Variants in EPHX1 observed in about 807,000 individuals in gnomAD.
EPHX1 encodes the protein epoxide hydrolase 1, also known as epoxide hydratase.
Under a neutral mutation model 43.2 loss-of-function variants are expected in EPHX1, and 40 were observed. The ratio of observed to expected loss-of-function variants is 0.93; its 90% CI spans 0.72 to 1.21. The LOEUF (loss-of-function observed/expected upper bound fraction) is 1.21, where lower values mean the gene tolerates loss of function less well. Among genes scored for constraint, EPHX1 ranks in the 50% most tolerant of loss-of-function variants. The probability of loss-of-function intolerance (pLI) is 0.00; values close to 1 mark genes in which losing one functional copy is unlikely to be tolerated. For missense variants in EPHX1, 550 were observed against 570.4 expected (o/e 0.96, Z 0.36); for synonymous variants, 221 against 226.7 (o/e 0.98, Z 0.22).
chr1:225,834,448 G>A (rs1175331882), intron 3 of EPHX1, among the ~76,000 whole-genome samples: 1 of 152,052 alleles, frequency 6.6e-6, no homozygotes, highest in Admixed American at 6.6e-5. Context: ...CCTCGACTTG[G>A]AGGTGCCAGG....
chr1:225,827,237 G>C (rs1201805633), intron 1 of EPHX1, among the ~76,000 whole-genome samples: 2 of 152,246 alleles, frequency 1.3e-5, no homozygotes, highest in African/African-American at 4.8e-5. Flanking sequence ...CTCCTGCCTT[G>C]GGTTTCCAAG....
chr1:225,832,724 T>G (rs946883021), intron 3 of EPHX1, among the ~76,000 whole-genome samples: 1 of 152,230 alleles, frequency 6.6e-6, no homozygotes, highest in Non-Finnish European at 1.5e-5. Context: ...TTTCCTTTCT[T>G]TTTTTCGGTA....
intron 3 of EPHX1, 136 bp from the exon 4 acceptor site, chr1:225,838,518 T>A: frequency 1.4e-6 from 1 of 719,986 alleles, no homozygotes; most frequent in Non-Finnish European, 2.4e-6. Flanking sequence ...CAGCCCTTAT[T>A]ACTGTCAATA....
chr1:225,810,479 C>G (rs996423072), intron 1 of EPHX1: 1 of 152,118 alleles, frequency 6.6e-6, no homozygotes, highest in Admixed American at 6.5e-5. Context: ...GAGAGCGCAC[C>G]GCGTCCCCTG....
Position 225,838,711 on chromosome 1 carries a change from C to T in EPHX1, c.422C>T (p.Pro141Leu), listed in dbSNP as rs373688139. 204 of 1,614,126 alleles carry T rather than the reference C, an allele frequency of 1.3e-4. 5 individuals are homozygous for T. In the South Asian group the frequency reaches 1.9e-3, roughly 15 times the overall value. The change falls in exon 4 of 9, where the codon CCG becomes CTG. Residue 141 changes from proline (P) to leucine (L), a missense_variant. Coordinates refer to ENST00000272167, the MANE Select transcript of EPHX1 (RefSeq NM_001136018.4). ...CCCCAGCTGCCCGCAGGCCATACCC[C>T]GAAGCCCTTGCTGATGGTGCACGGC... ...KPPQLPAGHT[P>L]KPLLMVHGWP...
rs1333110112 is a variant in EPHX1 at position 225,833,786 on chromosome 1, CTCTG to C, written c.364+1831_364+1834del. Among the ~76,000 whole-genome samples the C allele has an allele frequency of 1.4e-4, 18 of 124,424 alleles. 1 individual carries two copies. The South Asian group carries it at 4.9e-3, about 34-fold the overall frequency. 81.6% of individuals were successfully genotyped at this position (124,424 alleles called of 152,430 possible). A position where few individuals can be genotyped will look rare whatever the true frequency, so the allele number is the denominator to read the frequency against. ...CTCCAGCCTGGGCGACAGAATGAGA[CTCTG>C]TCTTTAAAAAAAAAAAAAAAAAACA... is the stretch of plus-strand genomic sequence containing the variant. On this transcript the variant is annotated intron_variant, in intron 3 of 8. Coordinates refer to ENST00000272167, the MANE Select transcript of EPHX1 (RefSeq NM_001136018.4).
At position 225,829,991 on chromosome 1, in the gene EPHX1, T is replaced by C. The variant is rs949612863; in HGVS notation, c.183+1079T>C. Among the ~76,000 whole-genome samples, 5 of 151,676 alleles carry C rather than the reference T, an allele frequency of 3.3e-5. No individual in the cohort carries two copies. In the East Asian group the frequency reaches 9.7e-4, roughly 29 times the overall value. Reference sequence around the variant, plus strand: ...TACTCGGGAGGCTGAGGCAGGAGAATCCCTTGAACCCAGGAGGCAGAGGCT... The same window carrying C: ...TACTCGGGAGGCTGAGGCAGGAGAACCCCTTGAACCCAGGAGGCAGAGGCT... On this transcript the variant is annotated intron_variant, in intron 2 of 8. Transcript: ENST00000272167.
chr1:225,820,442 T>G (rs1184446763), intron 1 of EPHX1, among the ~76,000 whole-genome samples: 2 of 152,180 alleles, frequency 1.3e-5, no homozygotes, highest in African/African-American at 4.8e-5. Flanking sequence ...AGAAGGGTAA[T>G]CTGAATTGTA....
intron 1 of EPHX1, among the ~76,000 whole-genome samples, chr1:225,816,351 AAG>A (rs199562104): frequency 0.017 from 2,575 of 152,278 alleles, 71 homozygotes; most frequent in African/African-American, 0.058. Context: ...AGATTAAAAA[AAG>A]AGAATGTCAA....
At chr1:225,842,518 C>T (rs894760452) in intron 7 of EPHX1, 44 bp downstream of exon 7, 1 of 1,335,414 alleles carries the variant, frequency 7.5e-7, no homozygotes, top group Non-Finnish European at 1.1e-6. Context: ...CTGGTCCCAG[C>T]AGCCAACCTC....
chr1:225,835,777 G>A (rs1237642363), intron 3 of EPHX1, among the ~76,000 whole-genome samples: 1 of 151,492 alleles, frequency 6.6e-6, no homozygotes, highest in African/African-American at 2.4e-5. Context: ...CAAACTCCTG[G>A]GCTCAAGCAA....
At chr1:225,835,651 A>G (rs1667918497) in intron 3 of EPHX1, among the ~76,000 whole-genome samples, 1 of 150,568 alleles carries the variant, frequency 6.6e-6, no homozygotes, top group Non-Finnish European at 1.5e-5. Context: ...AGCCTCCCAA[A>G]GTGCTGGGAT....
intron 1 of EPHX1, among the ~76,000 whole-genome samples, chr1:225,818,633 A>G (rs1405653669): frequency 6.6e-6 from 1 of 152,162 alleles, no homozygotes; most frequent in Admixed American, 6.5e-5. Context: ...ACTCTCACTT[A>G]GCTTTCAAGT....
At chr1:225,814,549 G>T (rs1418530124) in intron 1 of EPHX1, among the ~76,000 whole-genome samples, 1 of 152,214 alleles carries the variant, frequency 6.6e-6, no homozygotes, top group Admixed American at 6.5e-5. Context: ...TCTGCCACGG[G>T]CCCGCCTGGC....
At position 225,828,795 on chromosome 1, in the gene EPHX1, CAAAGAGGAAACT is replaced by C; in HGVS notation, c.67_78del (p.Lys23_Thr26del). 1.2e-6 allele frequency: 2 copies of C among 1,613,760 alleles called. No homozygotes were observed. Among genetic ancestry groups the C allele is most frequent in the Non-Finnish European group, 1.7e-6 (2 of 1,179,968 alleles). Reference sequence around the variant, plus strand: ...CCATCTACTGGTTCATCTCCCGGGACAAAGAGGAAACTTTGCCACTTGAAGATGGGTGGTGGG... The same window carrying C: ...CCATCTACTGGTTCATCTCCCGGGACTTGCCACTTGAAGATGGGTGGTGGG... On this transcript the variant is annotated inframe_deletion, in exon 2 of 9. Transcript: ENST00000272167.
intron 3 of EPHX1, among the ~76,000 whole-genome samples, chr1:225,835,826 G>A (rs1234965686): frequency 6.6e-6 from 1 of 151,722 alleles, no homozygotes; most frequent in Non-Finnish European, 1.5e-5. Context: ...AGGATTATAG[G>A]TGTGAGCCAC....
intron 1 of EPHX1, among the ~76,000 whole-genome samples, chr1:225,818,902 AAT>A (rs1666848544): frequency 6.7e-6 from 1 of 150,356 alleles, no homozygotes; most frequent in African/African-American, 2.5e-5. Context: ...CAGCCTGGGC[AAT>A]ATAGTGAGAA....
At chr1:225,842,960 A>C (rs1026248565) in intron 7 of EPHX1, among the ~76,000 whole-genome samples, 26 of 152,196 alleles carry the variant, frequency 1.7e-4, no homozygotes, top group African/African-American at 6.3e-4. Flanking sequence ...CTCAGGCTTC[A>C]CCAAGGTCAG....
intron 3 of EPHX1, among the ~76,000 whole-genome samples, chr1:225,834,035 T>C (rs1339056404): frequency 6.9e-6 from 1 of 145,044 alleles, no homozygotes; most frequent in Non-Finnish European, 1.5e-5. Context: ...AAGGCGGAGC[T>C]TGCAGTGAGC....
Sources: allele counts gnomAD v4.1 joint callset (sites outside exome capture counted in the v4.1 genomes callset), GRCh38; gene constraint gnomAD v4.1.1; transcripts MANE v1.5; gene names NCBI Gene and HGNC (gene_info 2026-07-23, HGNC 2026-07-21).